Variants in RIPOR2 observed in about 807,000 individuals in gnomAD.
RIPOR2 encodes the protein rho family-interacting cell polarization regulator 2.
A neutral mutation model predicts 114.5 loss-of-function variants in RIPOR2; 39 were observed. The ratio of observed to expected loss-of-function variants is 0.34; its 90% CI spans 0.26 to 0.44. The LOEUF (loss-of-function observed/expected upper bound fraction) is 0.44, where lower values mean the gene tolerates loss of function less well. RIPOR2 is among the 20% of genes least tolerant of loss of function. RIPOR2 has a pLI of 1.00. For missense variants in RIPOR2, 1,007 were observed against 1,255.1 expected (o/e 0.80, Z 2.99); for synonymous variants, 445 against 484.4 (o/e 0.92, Z 1.07).
intron 1 of RIPOR2, among the ~76,000 whole-genome samples, chr6:24,907,461 A>G (rs2114047162): frequency 6.6e-6 from 1 of 152,342 alleles, no homozygotes; most frequent in East Asian, 1.9e-4. Context: ...CACTCAGGAA[A>G]ACATGTATTA....
At chr6:24,909,918 C>A (rs1259740420) in intron 1 of RIPOR2, among the ~76,000 whole-genome samples, 1 of 152,154 alleles carries the variant, frequency 6.6e-6, no homozygotes, top group Non-Finnish European at 1.5e-5. Flanking sequence ...TTTCCACTTG[C>A]TCTCTCGCTC....
At chr6:24,914,268 G>A (rs147779625) in intron 1 of RIPOR2, among the ~76,000 whole-genome samples, 13 of 152,220 alleles carry the variant, frequency 8.5e-5, no homozygotes, top group African/African-American at 2.9e-4. Flanking sequence ...CCCAAGAGGC[G>A]GAGGTTGCAG....
At chr6:24,877,758 G>A (rs1481616044) in intron 1 of RIPOR2, among the ~76,000 whole-genome samples, 4 of 152,290 alleles carry the variant, frequency 2.6e-5, no homozygotes, top group Non-Finnish European at 5.9e-5. Flanking sequence ...ACAGGGGAGG[G>A]GCAGGAGTTC....
At chr6:24,905,063 C>T (rs1768834854) in intron 1 of RIPOR2, among the ~76,000 whole-genome samples, 1 of 152,172 alleles carries the variant, frequency 6.6e-6, no homozygotes, top group Non-Finnish European at 1.5e-5. Flanking sequence ...GTGTAAGCCA[C>T]CGCGCCCGGC....
rs542128567 is a variant in RIPOR2, at chr6:24,874,039, G to T, written c.189-240C>A. On this transcript the variant is annotated intron_variant, in intron 2 of 21. Coordinates refer to ENST00000643898, the MANE Select transcript of RIPOR2 (RefSeq NM_001286445.3). Reference sequence around the variant, plus strand: ...ACCACACCCAGCTAAATAGTTTGTTGTTGTTTAAAGAGAGGGGGTCTCAGT... The same window carrying T: ...ACCACACCCAGCTAAATAGTTTGTTTTTGTTTAAAGAGAGGGGGTCTCAGT... Among the ~76,000 whole-genome samples the T allele has an allele frequency of 4.5e-4, 69 of 152,016 alleles. No individual in the cohort carries two copies. In the Middle Eastern group the frequency reaches 0.01, roughly 22 times the overall value.
In RIPOR2 at chr6:24,986,570, C is replaced by T. The variant is rs151062131; in HGVS notation, c.76+55281G>A. On this transcript the variant is annotated intron_variant, in intron 1 of 13. Transcript: ENST00000510784. ...AAAAGAAACTGAAATATTGCTGTTT[C>T]ACAACAGGAGAAGCATTCTGTTCAG... Among the ~76,000 whole-genome samples, 152 of 152,202 alleles carry T rather than the reference C, an allele frequency of 1.0e-3. No individual in the cohort carries two copies. The Middle Eastern group carries it at 0.01, about 10-fold the overall frequency.
chr6:24,842,837 C>A (rs1264174568), intron 13 of RIPOR2, 25 bp downstream of exon 13: 4 of 1,374,514 alleles, frequency 2.9e-6, no homozygotes, highest in African/African-American at 2.9e-5. Context: ...CAAACCTAAT[C>A]CAATTTCTCT....
chr6:24,863,446 C>A (rs1335992574), intron 7 of RIPOR2, among the ~76,000 whole-genome samples: 2 of 152,192 alleles, frequency 1.3e-5, no homozygotes, highest in Admixed American at 1.3e-4. Context: ...ACAAAGGCAG[C>A]CCCTGCATTC....
chr6:24,887,304 T>C (rs1190836443), intron 1 of RIPOR2, among the ~76,000 whole-genome samples: 2 of 152,102 alleles, frequency 1.3e-5, no homozygotes, highest in Non-Finnish European at 2.9e-5. Flanking sequence ...CGGTACAGGG[T>C]AAGATACCAA....
chr6:24,958,309 G>T (rs945682452), intron 1 of RIPOR2, among the ~76,000 whole-genome samples: 10 of 152,108 alleles, frequency 6.6e-5, no homozygotes, highest in Non-Finnish European at 1.3e-4. Flanking sequence ...TCTAAGGAAG[G>T]ATGGATTCTG....
intron 1 of RIPOR2, among the ~76,000 whole-genome samples, chr6:24,917,776 G>A (rs982284299): frequency 3.3e-5 from 5 of 152,144 alleles, no homozygotes; most frequent in African/African-American, 1.2e-4. Context: ...TGTTCTGCCC[G>A]CATCAGCCTC....
chr6:24,910,788 A>G, intron 1 of RIPOR2: 2 of 984,894 alleles, frequency 2.0e-6, no homozygotes, highest in Non-Finnish European at 2.4e-6. Context: ...AATCAGAAGC[A>G]AAAAAGGAGA....
intron 1 of RIPOR2, among the ~76,000 whole-genome samples, chr6:24,919,618 A>G (rs1170847013): frequency 1.3e-5 from 2 of 152,190 alleles, no homozygotes; most frequent in African/African-American, 4.8e-5. Flanking sequence ...GGGCTGCTTG[A>G]GGAAGATAAA....
intron 5 of RIPOR2, among the ~76,000 whole-genome samples, chr6:24,869,609 T>C (rs944896322): frequency 6.6e-6 from 1 of 152,162 alleles, no homozygotes; most frequent in Admixed American, 6.5e-5. Flanking sequence ...TGAGCCACCA[T>C]GCCCGGCCCT....
chr6:25,001,454 C>T (rs1775312312), intron 1 of RIPOR2, among the ~76,000 whole-genome samples: 1 of 151,752 alleles, frequency 6.6e-6, no homozygotes, highest in Non-Finnish European at 1.5e-5. Flanking sequence ...GTAACCCCGT[C>T]TCTACTAAGA....
rs1398531804 is a variant in RIPOR2, at chr6:24,870,128, C to A, written c.447+738G>T. Among the ~76,000 whole-genome samples, 4 of 152,200 alleles carry A rather than the reference C, an allele frequency of 2.6e-5. No homozygotes were observed. The East Asian group carries it at 7.7e-4, about 29-fold the overall frequency. On this transcript the variant is annotated intron_variant, in intron 5 of 21. Coordinates refer to ENST00000643898, the MANE Select transcript of RIPOR2 (RefSeq NM_001286445.3). ...CAGTTTTCTTGATAACTATAAAATG[C>A]AAATTTTAGGTAAAATGAAACAACT...
intron 19 of RIPOR2, among the ~76,000 whole-genome samples, chr6:24,818,938 G>C (rs974781991): frequency 7.9e-5 from 12 of 151,770 alleles, no homozygotes; most frequent in Non-Finnish European, 1.6e-4. Flanking sequence ...CAAGTAACGA[G>C]GAAGGCAAAA....
intron 18 of RIPOR2, among the ~76,000 whole-genome samples, chr6:24,826,585 T>C (rs1328619804): frequency 6.6e-6 from 1 of 152,022 alleles, no homozygotes; most frequent in Non-Finnish European, 1.5e-5. Flanking sequence ...GTAAAAAGCC[T>C]GAAAGGAAGC....
At chr6:24,990,165 T>C (rs979524680) in intron 1 of RIPOR2, among the ~76,000 whole-genome samples, 2 of 151,868 alleles carry the variant, frequency 1.3e-5, no homozygotes, top group African/African-American at 4.8e-5. Flanking sequence ...AATGAAAGAG[T>C]TGGCTTATCC....
Sources: gnomAD v4.1 joint callset for allele counts (sites outside exome capture counted in the v4.1 genomes callset) on GRCh38, gnomAD v4.1.1 for gene constraint, MANE v1.5 for transcripts, NCBI Gene and HGNC (gene_info 2026-07-23, HGNC 2026-07-21) for gene names.